Variants in ARHGAP40 observed in about 807,000 individuals in gnomAD.
ARHGAP40 encodes rho GTPase-activating protein 40.
ARHGAP40 carries 43 observed loss-of-function variants against 73.5 expected under a neutral mutation model. The observed-to-expected ratio is 0.58, with a 90% CI of 0.46 to 0.75. The LOEUF is 0.75. Among genes scored for constraint, ARHGAP40 ranks in the 30% least tolerant of loss-of-function variants. The pLI is 0.00. For synonymous variants in ARHGAP40, 300 were observed against 352.8 expected (o/e 0.85, Z 1.68); for missense variants, 734 against 861.8 (o/e 0.85, Z 1.86).
chr20:38,648,702 A>G lies in ARHGAP40; in HGVS notation c.1936+4A>G. On this transcript the variant is annotated splice_donor_region_variant and intron_variant, in intron 14 of 14. Coordinates refer to ENST00000373345, the Ensembl canonical transcript of ARHGAP40. ...TATGAAGTTGGAGGGAATATCAGTAAGTTCCACTGTGGGAAACAGGAACAG... is the reference window on the plus strand; with the variant it reads ...TATGAAGTTGGAGGGAATATCAGTAGGTTCCACTGTGGGAAACAGGAACAG... The G allele has an allele frequency of 7.7e-7, 1 of 1,305,708 alleles. No homozygotes were observed. Among genetic ancestry groups the G allele is most frequent in the Non-Finnish European group, 1.0e-6 (1 of 988,986 alleles). The allele number at this position is 1,305,708 out of a possible 1,614,324, so 80.9% of individuals were successfully genotyped here. A position where few individuals can be genotyped will look rare whatever the true frequency, so the allele number is the denominator to read the frequency against.
rs2089056112 is a variant in ARHGAP40 at position 38,646,752 on chromosome 20, CAT to C, written c.1711-203_1711-202del. Among the ~76,000 whole-genome samples the C allele has an allele frequency of 1.3e-5, 2 of 152,166 alleles. No individual in the cohort carries two copies. Among genetic ancestry groups the C allele is most frequent in the Admixed American group, 1.3e-4 (2 of 15,280 alleles). On this transcript the variant is annotated intron_variant, in intron 12 of 14. Transcript: ENST00000373345. This position sits in a 1 kb window ranked among gnomAD's most constrained non-coding sequence, Gnocchi z 4.5. ...ACCGACACAGGCATAGAAACACAAA[CAT>C]AGGCATAGAAACACAAACACACATC...
At chr20:38,649,794 T>G in exon 15 of ARHGAP40, 1 of 1,305,166 alleles carries the variant, frequency 7.7e-7, no homozygotes, top group Non-Finnish European at 1.0e-6. Context: ...ACCTCTTAGA[T>G]CTGTACCGTG....
chr20:38,635,858 T>C (rs2088971565), intron 6 of ARHGAP40, among the ~76,000 whole-genome samples: 1 of 152,196 alleles, frequency 6.6e-6, no homozygotes, highest in African/African-American at 2.4e-5. Context: ...ACTTAAGAAT[T>C]CTTTACTCTT....
intron 6 of ARHGAP40, among the ~76,000 whole-genome samples, chr20:38,636,383 C>G (rs1012827665): frequency 1.3e-5 from 2 of 151,890 alleles, no homozygotes; most frequent in Non-Finnish European, 2.9e-5. Context: ...TCACCTCAGC[C>G]GCCTGAGTAG....
At chr20:38,642,608 T>C (rs1437729367) in intron 10 of ARHGAP40, among the ~76,000 whole-genome samples, 1 of 151,338 alleles carries the variant, frequency 6.6e-6, no homozygotes. Context: ...CTTCCTTTCT[T>C]CCTCCCTCCC....
At chr20:38,628,198 G>A (rs1048997972) in intron 3 of ARHGAP40, among the ~76,000 whole-genome samples, 4 of 152,228 alleles carry the variant, frequency 2.6e-5, no homozygotes, top group Non-Finnish European at 5.9e-5. Context: ...GTGTTGCCAT[G>A]GCAATGGTAA....
chr20:38,607,516 G>A (rs949223970), intron 1 of ARHGAP40, among the ~76,000 whole-genome samples: 5 of 152,194 alleles, frequency 3.3e-5, no homozygotes, highest in African/African-American at 1.2e-4. Flanking sequence ...GCGAAGGGCA[G>A]GTCCCTTCGG....
chr20:38,629,619 G>T lies in ARHGAP40; in HGVS notation c.752G>T (p.Gly251Val), dbSNP rs141304791. The change falls in exon 5 of 15, where the codon GGC (glycine) becomes GTC (valine). Residue 251 changes from glycine (G) to valine (V), a missense_variant. Transcript: ENST00000373345. ...CAGAGGAGCAGGCCATCCCGGGGAGGCACCTCTGCCTGGGGCAAGTGTTCC... is the reference window on the plus strand; with the variant it reads ...CAGAGGAGCAGGCCATCCCGGGGAGTCACCTCTGCCTGGGGCAAGTGTTCC... 16 of 1,305,282 alleles carry T rather than the reference G, an allele frequency of 1.2e-5. No individual in the cohort carries two copies. The Admixed American group carries it at 2.3e-4, about 19-fold the overall frequency. 80.9% of individuals were successfully genotyped at this position (1,305,282 alleles called of 1,614,324 possible).
At chr20:38,608,953 G>A (rs1363888284) in intron 1 of ARHGAP40, among the ~76,000 whole-genome samples, 6 of 152,166 alleles carry the variant, frequency 3.9e-5, no homozygotes, top group African/African-American at 1.4e-4. Context: ...TCCTTCTCAT[G>A]CTACCATCTC....
chr20:38,613,368 AC>A (rs2088815079), intron 1 of ARHGAP40, among the ~76,000 whole-genome samples: 1 of 151,956 alleles, frequency 6.6e-6, no homozygotes, highest in African/African-American at 2.4e-5. Context: ...TTCCCACCCA[AC>A]TCTTGAAACC....
intron 1 of ARHGAP40, among the ~76,000 whole-genome samples, chr20:38,621,758 C>A (rs2088874875): frequency 6.6e-6 from 1 of 152,138 alleles, no homozygotes; most frequent in African/African-American, 2.4e-5. Flanking sequence ...ATATAGCTAA[C>A]AAAAATGTTT....
At chr20:38,601,970 G>T (rs935043257) in exon 1 of ARHGAP40, 3 of 1,287,696 alleles carry the variant, frequency 2.3e-6, no homozygotes, top group African/African-American at 1.5e-5. Flanking sequence ...CCTCCCCGCC[G>T]CCCAGATGGA....
At chr20:38,631,331 G>A (rs1409930783) in intron 5 of ARHGAP40, among the ~76,000 whole-genome samples, 3 of 147,624 alleles carry the variant, frequency 2.0e-5, no homozygotes, top group African/African-American at 7.5e-5. Context: ...AAAAAGAGAA[G>A]TGGCATATGT....
At chr20:38,631,304 T>TAAAA (rs35575772) in intron 5 of ARHGAP40, among the ~76,000 whole-genome samples, 11 of 87,530 alleles carry the variant, frequency 1.3e-4, no homozygotes, top group Non-Finnish European at 1.8e-4. Flanking sequence ...GAGCAAGACC[T>TAAAA]AAAAAAAAAA....
At chr20:38,638,791 G>A (rs1455879842) in exon 8 of ARHGAP40, 1 of 1,305,452 alleles carries the variant, frequency 7.7e-7, no homozygotes, top group African/African-American at 1.5e-5. Flanking sequence ...GAGAGGACTG[G>A]ACATGGAAGG....
intron 11 of ARHGAP40, among the ~76,000 whole-genome samples, chr20:38,644,706 A>C (rs2089041003): frequency 8.4e-6 from 1 of 119,296 alleles, no homozygotes; most frequent in Non-Finnish European, 1.7e-5. Flanking sequence ...CCATCCACCC[A>C]TATGCCAATC....
intron 1 of ARHGAP40, among the ~76,000 whole-genome samples, chr20:38,616,541 C>CCTT (rs2088840506): frequency 6.6e-6 from 1 of 152,184 alleles, no homozygotes; most frequent in African/African-American, 2.4e-5. Flanking sequence ...GTTGTACAAG[C>CCTT]GGCTTATTAC....
At chr20:38,615,410 G>T in intron 1 of ARHGAP40, 1 of 725,858 alleles carries the variant, frequency 1.4e-6, no homozygotes, top group Non-Finnish European at 2.6e-6. Flanking sequence ...CTCTTGTCCA[G>T]ACTGAAGTTG....
At chr20:38,611,918 C>G (rs926702275) in intron 1 of ARHGAP40, among the ~76,000 whole-genome samples, 8 of 149,318 alleles carry the variant, frequency 5.4e-5, no homozygotes, top group Non-Finnish European at 8.9e-5. Flanking sequence ...GGGATAGGGT[C>G]TTGCTGTGTT....
Sources: gnomAD v4.1 joint callset for allele counts (sites outside exome capture counted in the v4.1 genomes callset) on GRCh38, gnomAD v4.1.1 for gene constraint, Gnocchi (gnomAD v3.1) non-coding constraint, MANE v1.5 for transcripts, NCBI Gene and HGNC (gene_info 2026-07-23, HGNC 2026-07-21) for gene names.